The following SLC9B1 variants were observed in gnomAD, a reference collection of about 807,000 sequenced individuals.
SLC9B1 encodes the protein sodium/hydrogen exchanger 9B1.
In SLC9B1, 32 loss-of-function variants were observed where a neutral mutation model predicts 51.7. The observed-to-expected ratio is 0.62, with a 90% CI of 0.47 to 0.83. The LOEUF is 0.83. Ranked by LOEUF, SLC9B1 falls within the 40% of genes least tolerant of loss-of-function variation. The probability of loss-of-function intolerance (pLI) is 0.00; values close to 1 mark genes in which losing one functional copy is unlikely to be tolerated. For synonymous variants in SLC9B1, 145 were observed against 212.7 expected (o/e 0.68, Z 2.77); for missense variants, 406 against 613.2 (o/e 0.66, Z 3.57).
At chr4:102,984,128 TTTTA>T (rs551764800) in intron 3 of SLC9B1, among the ~76,000 whole-genome samples, 260 of 152,218 alleles carry the variant, frequency 1.7e-3, no homozygotes, top group Middle Eastern at 0.017. Flanking sequence ...TTTTATTTTA[TTTTA>T]TTGAGACAGA....
At chr4:102,916,659 T>C (rs1735591913) in intron 7 of SLC9B1, among the ~76,000 whole-genome samples, 1 of 152,198 alleles carries the variant, frequency 6.6e-6, no homozygotes, top group Non-Finnish European at 1.5e-5. Flanking sequence ...TACCAAGACT[T>C]TTCCAGGATA....
chr4:102,986,684 G>C (rs1213693590), intron 3 of SLC9B1, among the ~76,000 whole-genome samples: 1 of 151,632 alleles, frequency 6.6e-6, no homozygotes, highest in African/African-American at 2.4e-5. Flanking sequence ...TTTTCTCTTT[G>C]CTTTTCAGTT....
At position 103,019,383 on chromosome 4, in the gene SLC9B1, G is replaced by A. The variant is rs111861822; in HGVS notation, c.-2+216C>T. The stretch of plus-strand genomic sequence containing the variant: ...CAGGAGGAAAAGAGAACAAACAAGA[G>A]AGATGTGGGATGACGGAGTAAGGAA... On this transcript the variant is annotated intron_variant, in intron 1 of 11. Coordinates refer to ENST00000296422, the MANE Select transcript of SLC9B1 (RefSeq NM_139173.4). Among the ~76,000 whole-genome samples, 282 of 152,354 alleles carry A rather than the reference G, an allele frequency of 1.9e-3. 5 individuals are homozygous for A. The highest frequency in any genetic ancestry group is 6.6e-3 in the African/African-American group (275 of 41,580).
At chr4:102,980,821 G>C (rs1739314803) in intron 3 of SLC9B1, among the ~76,000 whole-genome samples, 2 of 152,136 alleles carry the variant, frequency 1.3e-5, no homozygotes, top group Admixed American at 6.6e-5. Flanking sequence ...CCATTTGTTA[G>C]AATTGATAAA....
chr4:102,964,668 CTA>C (rs1344484148), intron 3 of SLC9B1, among the ~76,000 whole-genome samples: 1 of 152,050 alleles, frequency 6.6e-6, no homozygotes, highest in Admixed American at 6.6e-5. Context: ...ATGTAATAAA[CTA>C]TATTAACAGA....
chr4:102,908,006 G>A (rs546850760), intron 9 of SLC9B1, among the ~76,000 whole-genome samples: 2 of 152,030 alleles, frequency 1.3e-5, no homozygotes, highest in East Asian at 3.9e-4. Context: ...TAAACAAAAT[G>A]TCACTATGAT....
At chr4:103,011,105 A>C (rs1318185981) in intron 1 of SLC9B1, among the ~76,000 whole-genome samples, 1 of 152,252 alleles carries the variant, frequency 6.6e-6, no homozygotes, top group Non-Finnish European at 1.5e-5. Context: ...TATGATATCA[A>C]GCAAGTTATA....
chr4:102,894,978 A>G (rs1476464890), intron 11 of SLC9B1, among the ~76,000 whole-genome samples: 1 of 152,166 alleles, frequency 6.6e-6, no homozygotes. Flanking sequence ...CTAAAATTAT[A>G]TATAAATTCA....
Position 102,989,836 on chromosome 4 carries a change from G to C in SLC9B1, c.175C>G (p.Pro59Ala). ...ATTACATTCAATACTCCTCTTAGAG[G>C]ACAAGAAATGTATGTCTCCTTTTTT... ...QTKKETYISC[P>A]LRGVLNVIIT... is the part of the protein sequence containing the mutation. Residue 59 changes from proline (P) to alanine (A), a missense_variant, in exon 3 of 12, where the codon CCT (proline) becomes GCT (alanine). Transcript: ENST00000296422. The C allele has an allele frequency of 6.3e-7, 1 of 1,599,188 alleles. No homozygotes were observed. The highest frequency in any genetic ancestry group is 2.2e-5 in the East Asian group (1 of 44,476).
intron 3 of SLC9B1, chr4:102,963,069 G>C (rs1170567332): frequency 1.4e-5 from 6 of 432,990 alleles, no homozygotes; most frequent in Non-Finnish European, 2.8e-5. Context: ...TCGGGGATTT[G>C]AACCTCAACT....
intron 4 of SLC9B1, among the ~76,000 whole-genome samples, chr4:102,947,371 T>C (rs1373029323): frequency 6.6e-6 from 1 of 151,988 alleles, no homozygotes; most frequent in East Asian, 1.9e-4. Context: ...ACTGACAGTG[T>C]ACTGAATATA....
At chr4:102,901,400 G>C in intron 11 of SLC9B1, 68 bp from the exon 12 acceptor site, 1 of 1,576,356 alleles carries the variant, frequency 6.3e-7, no homozygotes, top group Non-Finnish European at 8.7e-7. Flanking sequence ...AATGTAAATG[G>C]CTCTGTTAAA....
At chr4:102,889,405 TC>T (rs1316442192) in intron 11 of SLC9B1, 1 of 152,214 alleles carries the variant, frequency 6.6e-6, no homozygotes, top group Non-Finnish European at 1.5e-5. Flanking sequence ...CATGAAATGC[TC>T]TTCTTTTTGT....
Position 102,911,519 on chromosome 4 carries a change from G to A in SLC9B1, c.848C>T (p.Ala283Val). The A allele has an allele frequency of 6.3e-7, 1 of 1,595,654 alleles. No individual in the cohort carries two copies. Among genetic ancestry groups the A allele is most frequent in the Non-Finnish European group, 8.5e-7 (1 of 1,178,798 alleles). Residue 283 changes from alanine to valine, a missense_variant, in exon 8 of 12, where the codon GCC becomes GTC. This residue lies in a region of SLC9B1 where 250 missense variants were observed against 394.1 expected (regional missense o/e 0.63). Transcript: ENST00000296422. ...VFSSGGILNN[A>V]IASIRNVCIS... is the part of the protein sequence containing the mutation. ...ACATACGTTCCTTATAGAGGCTATGGCGTTATTAAGTATACCACCTGTAGG... is the reference window on the plus strand; with the variant it reads ...ACATACGTTCCTTATAGAGGCTATGACGTTATTAAGTATACCACCTGTAGG...
At chr4:102,983,063 T>C (rs1739437558) in intron 3 of SLC9B1, among the ~76,000 whole-genome samples, 1 of 152,120 alleles carries the variant, frequency 6.6e-6, no homozygotes, top group Non-Finnish European at 1.5e-5. Flanking sequence ...TCCACTCTAT[T>C]CTAGCTTGCT....
chr4:102,927,833 C>T, intron 7 of SLC9B1, among the ~76,000 whole-genome samples: 1 of 152,118 alleles, frequency 6.6e-6, no homozygotes, highest in East Asian at 1.9e-4. Flanking sequence ...CCCAAATGTC[C>T]ATCAATGATG....
rs569006891 is a variant in SLC9B1, at chr4:102,925,830, C to T, written c.829+6294G>A. Among the ~76,000 whole-genome samples the T allele has an allele frequency of 1.4e-3, 211 of 152,206 alleles. No homozygotes were observed. In the Middle Eastern group the frequency reaches 0.02, roughly 15 times the overall value. On this transcript the variant is annotated intron_variant, in intron 7 of 11. Transcript: ENST00000296422. ...TTAGACCAATATCCCTGATGAACAT[C>T]GATGCAAAAATCCTCAATAAAATAC... is the stretch of plus-strand genomic sequence containing the variant.
chr4:102,997,247 T>C (rs1385208118), intron 1 of SLC9B1, among the ~76,000 whole-genome samples: 2 of 152,204 alleles, frequency 1.3e-5, no homozygotes, highest in African/African-American at 4.8e-5. Context: ...TGAAGTTACA[T>C]TGAATCTATA....
chr4:102,935,702 C>A (rs1228860612), intron 6 of SLC9B1, among the ~76,000 whole-genome samples: 10 of 119,212 alleles, frequency 8.4e-5, no homozygotes, highest in Non-Finnish European at 1.2e-4. Context: ...TAAAAATGCA[C>A]AAAATAATAC....
Sources: gnomAD v4.1 joint callset for allele counts (sites outside exome capture counted in the v4.1 genomes callset) on GRCh38, gnomAD v4.1.1 for gene constraint, gnomAD v4.1.1 regional missense constraint, MANE v1.5 for transcripts, NCBI Gene and HGNC (gene_info 2026-07-23, HGNC 2026-07-21) for gene names.